DCLK1: variants seen among roughly 807,000 people sequenced by gnomAD.
DCLK1 encodes the protein serine/threonine-protein kinase DCLK1.
In DCLK1, 16 loss-of-function variants were observed where a neutral mutation model predicts 86.2. That is an observed-to-expected ratio of 0.19 (90% CI 0.13 to 0.28). The LOEUF is 0.28. Among genes scored for constraint, DCLK1 ranks in the 10% least tolerant of loss-of-function variants. The pLI is 1.00. For synonymous variants in DCLK1, 369 were observed against 370.5 expected (o/e 1.00, Z 0.05); for missense variants, 590 against 940.2 (o/e 0.63, Z 4.87).
chr13:35,908,760 T>G (rs1490630816), intron 4 of DCLK1, among the ~76,000 whole-genome samples: 1 of 152,116 alleles, frequency 6.6e-6, no homozygotes, highest in Non-Finnish European at 1.5e-5. Context: ...CTCAGCCTCC[T>G]GAGTAGCTGG....
At chr13:35,895,125 T>C (rs1873878313) in intron 4 of DCLK1, among the ~76,000 whole-genome samples, 1 of 152,080 alleles carries the variant, frequency 6.6e-6, no homozygotes, top group Admixed American at 6.6e-5. Flanking sequence ...AATTTTTTTG[T>C]AGAGGTGGAA....
At chr13:35,796,807 A>T (rs1042028149) in intron 15 of DCLK1, among the ~76,000 whole-genome samples, 1 of 152,196 alleles carries the variant, frequency 6.6e-6, no homozygotes, top group Non-Finnish European at 1.5e-5. Context: ...TGATAAATGG[A>T]AATACTCAGT....
rs61949281 is a variant in DCLK1, at chr13:35,858,049, C to T, written c.941-3456G>A. Among the ~76,000 whole-genome samples, 1,085 of 152,246 alleles carry T rather than the reference C, an allele frequency of 7.1e-3. 14 individuals are homozygous for T. Among genetic ancestry groups the T allele is most frequent in the Non-Finnish European group, 8.4e-3 (574 of 68,020 alleles). ...CAAAAACAAAGATTTTAAGCAGGCG[C>T]CACAGGATCAGGCTTGCATTTGAAA... On this transcript the variant is annotated intron_variant, in intron 5 of 16. Transcript: ENST00000360631.
At chr13:36,005,863 C>T (rs190048474) in intron 3 of DCLK1, among the ~76,000 whole-genome samples, 260 of 152,254 alleles carry the variant, frequency 1.7e-3, no homozygotes, top group African/African-American at 6.0e-3. Context: ...ATGTCCTTTG[C>T]AGGGACATGG....
intron 3 of DCLK1, among the ~76,000 whole-genome samples, chr13:35,990,206 A>C (rs941542760): frequency 1.3e-5 from 2 of 152,222 alleles, no homozygotes; most frequent in Non-Finnish European, 2.9e-5. Flanking sequence ...TCAGAGTACA[A>C]GTTGTACTAA....
chr13:36,024,312 T>G (rs529559345), intron 3 of DCLK1, among the ~76,000 whole-genome samples: 19 of 152,300 alleles, frequency 1.2e-4, no homozygotes, highest in African/African-American at 4.3e-4. Flanking sequence ...TATTTTCACA[T>G]GACATGATCT....
At chr13:35,807,652 G>C (rs2087055265) in intron 14 of DCLK1, among the ~76,000 whole-genome samples, 1 of 152,258 alleles carries the variant, frequency 6.6e-6, no homozygotes, top group Non-Finnish European at 1.5e-5. Flanking sequence ...CTAGTGGAGA[G>C]AGTCTGGAAA....
intron 4 of DCLK1, 148 bp from the exon 5 acceptor site, chr13:35,871,488 G>T: frequency 2.9e-6 from 2 of 690,856 alleles, no homozygotes; most frequent in South Asian, 3.7e-5. Flanking sequence ...CTATGTCAAT[G>T]AAACCAAGAA....
intron 3 of DCLK1, among the ~76,000 whole-genome samples, chr13:36,044,450 G>C (rs992170190): frequency 1.3e-5 from 2 of 152,160 alleles, no homozygotes; most frequent in Non-Finnish European, 2.9e-5. Context: ...CTAATGCATA[G>C]GGGAATGTAG....
Position 35,802,641 on chromosome 13 carries a change from T to G in DCLK1, c.1944+3058A>C, listed in dbSNP as rs188620129. ...ACGTCTATCATGTTAAAACATGCAT[T>G]AGACACAAATACAAAAACCATGAAA... On this transcript the variant is annotated intron_variant, in intron 15 of 16. Coordinates refer to ENST00000360631, the MANE Select transcript of DCLK1 (RefSeq NM_001330071.2). Among the ~76,000 whole-genome samples, 1,028 of 152,264 alleles carry G rather than the reference T, an allele frequency of 6.8e-3. 4 individuals are homozygous for G. The highest frequency in any genetic ancestry group is 9.3e-3 in the Non-Finnish European group (630 of 68,008).
Position 35,808,062 on chromosome 13 carries a change from A to T in DCLK1, c.1863+162T>A, listed in dbSNP as rs553460126. On this transcript the variant is annotated intron_variant, in intron 14 of 16. Transcript: ENST00000360631. The stretch of plus-strand genomic sequence containing the variant: ...TTGTTGGGATGTCTGGGAACAGATG[A>T]CTTGATGACTGTGAAATCTTGGAAA... Among the ~76,000 whole-genome samples the T allele has an allele frequency of 4.6e-4, 70 of 152,342 alleles. 1 individual carries two copies. The South Asian group carries it at 5.6e-3, about 12-fold the overall frequency.
chr13:35,950,474 C>T (rs912807604), intron 3 of DCLK1, among the ~76,000 whole-genome samples: 9 of 152,154 alleles, frequency 5.9e-5, no homozygotes, highest in African/African-American at 9.7e-5. Context: ...ACCAGTGTTT[C>T]GCACAATAAT....
chr13:35,999,539 G>A (rs1477946890), intron 3 of DCLK1, among the ~76,000 whole-genome samples: 1 of 151,940 alleles, frequency 6.6e-6, no homozygotes, highest in Non-Finnish European at 1.5e-5. Flanking sequence ...TTCCTCTCAG[G>A]ACCAGCACAA....
intron 3 of DCLK1, among the ~76,000 whole-genome samples, chr13:36,077,662 C>CAGAT (rs1260871347): frequency 6.6e-6 from 1 of 152,248 alleles, no homozygotes; most frequent in East Asian, 1.9e-4. Context: ...ACAGAGCAAA[C>CAGAT]AGATTGATGA....
chr13:35,824,739 C>T (rs1213463513), intron 10 of DCLK1, among the ~76,000 whole-genome samples: 1 of 152,146 alleles, frequency 6.6e-6, no homozygotes, highest in African/African-American at 2.4e-5. Flanking sequence ...AATCACCATT[C>T]TTTTCCCACA....
chr13:36,112,587 TACCTCC>T (rs929584226), intron 2 of DCLK1, among the ~76,000 whole-genome samples: 8 of 152,210 alleles, frequency 5.3e-5, no homozygotes, highest in African/African-American at 1.9e-4. Context: ...AAATTGGAAG[TACCTCC>T]ATTTGCTACC....
At chr13:36,052,728 CTG>C (rs983540703) in intron 3 of DCLK1, among the ~76,000 whole-genome samples, 3 of 152,202 alleles carry the variant, frequency 2.0e-5, no homozygotes, top group African/African-American at 7.2e-5. Flanking sequence ...GAAAAGAAAA[CTG>C]TACCTCTAGG....
intron 16 of DCLK1, among the ~76,000 whole-genome samples, chr13:35,792,296 C>A (rs2086721532): frequency 6.6e-6 from 1 of 152,160 alleles, no homozygotes; most frequent in South Asian, 2.1e-4. Context: ...AATTCTGGAA[C>A]CTCATATCAA....
At chr13:35,907,532 T>C (rs1454414039) in intron 4 of DCLK1, among the ~76,000 whole-genome samples, 1 of 152,172 alleles carries the variant, frequency 6.6e-6, no homozygotes, top group African/African-American at 2.4e-5. Context: ...CCTCAGTCTG[T>C]GTGTATGCCC....
Sources: gnomAD v4.1 joint callset for allele counts (sites outside exome capture counted in the v4.1 genomes callset) on GRCh38, gnomAD v4.1.1 for gene constraint, MANE v1.5 for transcripts, NCBI Gene and HGNC (gene_info 2026-07-23, HGNC 2026-07-21) for gene names.